The following ERBB4 variants were observed in gnomAD, a reference collection of about 807,000 sequenced individuals.
ERBB4 encodes the protein receptor tyrosine-protein kinase erbB-4.
In ERBB4, 42 loss-of-function variants were observed where a neutral mutation model predicts 158.0. That is an observed-to-expected ratio of 0.27 (90% confidence interval 0.21 to 0.34). The LOEUF is 0.34. Among genes scored for constraint, ERBB4 ranks in the 10% least tolerant of loss-of-function variants. ERBB4 has a pLI of 1.00. For synonymous variants in ERBB4, 583 were observed against 558.7 expected (o/e 1.04, Z -0.61); for missense variants, 1,333 against 1,624.1 (o/e 0.82, Z 3.08).
chr2:211,675,115 T>C (rs1388145780), intron 13 of ERBB4, among the ~76,000 whole-genome samples: 1 of 152,172 alleles, frequency 6.6e-6, no homozygotes, highest in Non-Finnish European at 1.5e-5. Flanking sequence ...TTTTCTTTCC[T>C]GTCCTCTAGT....
intron 1 of ERBB4, among the ~76,000 whole-genome samples, chr2:212,342,075 A>C (rs1377624194): frequency 6.6e-6 from 1 of 152,160 alleles, no homozygotes; most frequent in Admixed American, 6.5e-5. Context: ...CCTGGGCAAC[A>C]TAGGGAGATC....
intron 1 of ERBB4, among the ~76,000 whole-genome samples, chr2:212,355,799 T>C (rs2089441581): frequency 6.6e-6 from 1 of 151,966 alleles, no homozygotes; most frequent in East Asian, 1.9e-4. Flanking sequence ...CATGTATGTA[T>C]ATATGTGTGT....
At chr2:211,500,747 C>G (rs1166868450) in intron 20 of ERBB4, among the ~76,000 whole-genome samples, 1 of 151,850 alleles carries the variant, frequency 6.6e-6, no homozygotes, top group Non-Finnish European at 1.5e-5. Flanking sequence ...GTTAGTGCTT[C>G]TTCCACAATT....
intron 1 of ERBB4, among the ~76,000 whole-genome samples, chr2:212,445,606 G>A (rs1354882613): frequency 1.3e-5 from 2 of 152,198 alleles, no homozygotes; most frequent in African/African-American, 2.4e-5. Flanking sequence ...ATGGAGGTAA[G>A]GAAGCATATG....
chr2:211,640,850 C>A (rs1443344811), intron 16 of ERBB4, among the ~76,000 whole-genome samples: 5 of 151,994 alleles, frequency 3.3e-5, no homozygotes, highest in African/African-American at 1.2e-4. Context: ...AAAAGTATAA[C>A]CTCAACAGTG....
intron 19 of ERBB4, among the ~76,000 whole-genome samples, chr2:211,611,448 A>ACTTTTGCTTTCGCTTTACTTT (rs1559347126): frequency 2.5e-4 from 3 of 11,994 alleles, no homozygotes; most frequent in Admixed American, 1.1e-3. Flanking sequence ...TTTCGCTTTA[A>ACTTTTGCTTTCGCTTTACTTT]TGAGTCTTGC....
intron 2 of ERBB4, among the ~76,000 whole-genome samples, chr2:212,096,563 T>C (rs1436192129): frequency 6.6e-6 from 1 of 152,166 alleles, no homozygotes; most frequent in Non-Finnish European, 1.5e-5. Context: ...TTTCCTCAAG[T>C]TTATTTAGAT....
intron 3 of ERBB4, among the ~76,000 whole-genome samples, chr2:211,903,811 TA>T (rs1431751349): frequency 3.3e-5 from 5 of 151,856 alleles, no homozygotes; most frequent in Non-Finnish European, 7.4e-5. Flanking sequence ...CACCTTTACT[TA>T]AAGCTCACCT....
intron 20 of ERBB4, among the ~76,000 whole-genome samples, chr2:211,501,603 T>C (rs1258690060): frequency 6.6e-6 from 1 of 152,020 alleles, no homozygotes; most frequent in Admixed American, 6.5e-5. Context: ...TTTCTGAATG[T>C]ATATACATAT....
Position 211,970,243 on chromosome 2 carries a change from G to A in ERBB4, c.235-22627C>T, listed in dbSNP as rs569103492. On this transcript the variant is annotated intron_variant, in intron 2 of 27. Transcript: ENST00000342788. ...AAATTTCAAATTTGATTGTGCTGTG[G>A]TACAAGAGACTGTCATGATTTCAGT... Among the ~76,000 whole-genome samples the A allele has an allele frequency of 2.0e-5, 3 of 152,242 alleles. No individual in the cohort carries two copies. The East Asian group carries it at 5.8e-4, about 29-fold the overall frequency.
chr2:212,012,415 A>AT (rs34430050), intron 2 of ERBB4, among the ~76,000 whole-genome samples: 9,360 of 126,558 alleles, frequency 0.074, 612 homozygotes, highest in African/African-American at 0.16. Flanking sequence ...TAAGAACTGC[A>AT]TTTTTTTTTT....
At chr2:211,557,584 G>A (rs2067269234) in intron 20 of ERBB4, among the ~76,000 whole-genome samples, 1 of 151,760 alleles carries the variant, frequency 6.6e-6, no homozygotes, top group Admixed American at 6.6e-5. Flanking sequence ...ACACCAGTCA[G>A]AATGCTGGTG....
At chr2:212,457,854 A>AT (rs1396048134) in intron 1 of ERBB4, among the ~76,000 whole-genome samples, 2 of 152,032 alleles carry the variant, frequency 1.3e-5, no homozygotes, top group Non-Finnish European at 2.9e-5. Flanking sequence ...CTTAAAGATC[A>AT]TTTTTAAAAA....
chr2:211,376,792 TGC>T lies in ERBB4; in HGVS notation c.*6821_*6822del. ...TTTTCATTTGATCTTCTTGTAATGG[TGC>T]TCAAGAAAGAGATGAACTAGTCATA... On this transcript the variant is annotated 3_prime_UTR_variant, in exon 28 of 28. Coordinates refer to ENST00000342788, the MANE Select transcript of ERBB4 (RefSeq NM_005235.3). The T allele has an allele frequency of 4.3e-6, 1 of 233,102 alleles. No homozygotes were observed. 14.4% of individuals were successfully genotyped at this position (233,102 alleles called of 1,614,324 possible).
intron 2 of ERBB4, among the ~76,000 whole-genome samples, chr2:212,047,846 C>T (rs2077295801): frequency 6.6e-6 from 1 of 152,150 alleles, no homozygotes; most frequent in Admixed American, 6.5e-5. Flanking sequence ...TTCTTATAGA[C>T]AACACTCTTG....
chr2:212,496,593 A>G (rs1275469448), intron 1 of ERBB4, among the ~76,000 whole-genome samples: 6 of 152,324 alleles, frequency 3.9e-5, no homozygotes, highest in South Asian at 2.1e-4. Context: ...GGAGACTACT[A>G]TAAGATAAAA....
At chr2:212,326,568 C>T (rs1395366996) in intron 1 of ERBB4, among the ~76,000 whole-genome samples, 1 of 150,706 alleles carries the variant, frequency 6.6e-6, no homozygotes, top group African/African-American at 2.4e-5. Context: ...GGAGACAGAG[C>T]ATCTCATATC....
chr2:212,227,054 T>C (rs933314353), intron 1 of ERBB4, among the ~76,000 whole-genome samples: 2 of 152,092 alleles, frequency 1.3e-5, no homozygotes, highest in African/African-American at 4.8e-5. Flanking sequence ...GAGACCAGCC[T>C]GATCAACATG....
chr2:211,805,452 A>T (rs1559533649), intron 3 of ERBB4, among the ~76,000 whole-genome samples: 2 of 152,226 alleles, frequency 1.3e-5, no homozygotes, highest in Non-Finnish European at 2.9e-5. Flanking sequence ...CAAGAGTATG[A>T]GCATAGAAAA....
Sources: allele counts gnomAD v4.1 joint callset (sites outside exome capture counted in the v4.1 genomes callset), GRCh38; gene constraint gnomAD v4.1.1; transcripts MANE v1.5; gene names NCBI Gene and HGNC (gene_info 2026-07-23, HGNC 2026-07-21).